The following UNC45A variants were observed in gnomAD, a reference collection of about 807,000 sequenced individuals.
UNC45A encodes the protein unc-45 myosin chaperone A.
Under a neutral mutation model 103.2 loss-of-function variants are expected in UNC45A, and 78 were observed. The observed-to-expected ratio is 0.76, with a 90% CI of 0.63 to 0.91. UNC45A has a LOEUF of 0.91. UNC45A is among the 40% of genes least tolerant of loss of function. The pLI, the probability that UNC45A is intolerant of heterozygous loss-of-function variation, is 0.00. For missense variants in UNC45A, 1,193 were observed against 1,224.8 expected (o/e 0.97, Z 0.39); for synonymous variants, 495 against 504.6 (o/e 0.98, Z 0.25).
rs2151378601 is a variant in UNC45A at position 90,953,943 on chromosome 15, G to A, written c.*227G>A. On this transcript the variant is annotated 3_prime_UTR_variant, in exon 20 of 20. Coordinates refer to ENST00000418476, the MANE Select transcript of UNC45A (RefSeq NM_018671.5). ...CCTCACTCAGAGGGGCCCTTTTTCT[G>A]TACTACTGTAGTCAGCTGGGAATGG... is the stretch of plus-strand genomic sequence containing the variant. The A allele has an allele frequency of 3.3e-6, 2 of 608,770 alleles. No homozygotes were observed. Among genetic ancestry groups the A allele is most frequent in the Admixed American group, 3.0e-5 (1 of 33,234 alleles). The allele number at this position is 608,770 out of a possible 1,614,324, so 37.7% of individuals were successfully genotyped here.
At chr15:90,931,391 G>C, upstream of UNC45A, 2 of 1,571,546 alleles carry the variant, frequency 1.3e-6, no homozygotes, top group South Asian at 2.3e-5. Flanking sequence ...TCCTGGACTC[G>C]ATGTTCTGAC....
At chr15:90,932,471 G>A (rs2035836974), upstream of UNC45A, 4 of 1,324,162 alleles carry the variant, frequency 3.0e-6, no homozygotes, top group East Asian at 2.9e-5. Context: ...GGGTCCTTCC[G>A]CCGCTGCTGC....
upstream of UNC45A, chr15:90,932,024 C>T (rs758569594): frequency 1.2e-6 from 2 of 1,613,888 alleles, no homozygotes; most frequent in African/African-American, 2.7e-5. Context: ...ATCCCCATCC[C>T]AGGCTCCTGG....
intron 5 of UNC45A, 58 bp from the exon 6 acceptor site, chr15:90,940,248 G>C: frequency 6.4e-7 from 1 of 1,556,506 alleles, no homozygotes; most frequent in East Asian, 2.3e-5. Flanking sequence ...CTGCTCACCA[G>C]TGCTGCATCC....
intron 17 of UNC45A, 34 bp from the exon 18 acceptor site, chr15:90,952,895 C>T: frequency 1.2e-5 from 19 of 1,587,930 alleles, no homozygotes; most frequent in African/African-American, 2.7e-5. Flanking sequence ...ACATCCAAAC[C>T]GTATCCCTGC....
intron 6 of UNC45A, 182 bp downstream of exon 6, chr15:90,940,655 G>A: frequency 1.6e-6 from 1 of 644,048 alleles, no homozygotes; most frequent in Non-Finnish European, 2.3e-6. Flanking sequence ...CCTCACACCT[G>A]TAATCCCAGC....
chr15:90,940,935 A>C (rs1345058341), intron 6 of UNC45A: 1 of 152,592 alleles, frequency 6.6e-6, no homozygotes, highest in Non-Finnish European at 1.5e-5. Flanking sequence ...ACAAAACAAC[A>C]AAAAAAGAAA....
chr15:90,948,013 G>C, intron 11 of UNC45A, 123 bp downstream of exon 11: 1 of 1,519,036 alleles, frequency 6.6e-7, no homozygotes, highest in Non-Finnish European at 9.0e-7. Flanking sequence ...CTGCAGTCTG[G>C]ATCCTGGTAC....
At position 90,948,681 on chromosome 15, in the gene UNC45A, G is replaced by A; in HGVS notation, c.1765G>A (p.Val589Met). 6.2e-7 allele frequency: 1 copy of A among 1,614,070 alleles called. No homozygotes were observed. The highest frequency in any genetic ancestry group is 8.5e-7 in the Non-Finnish European group (1 of 1,179,994). Reference protein sequence around the residue: ...RLEERSVLFAVASALVNCTNS... With the variant: ...RLEERSVLFAMASALVNCTNS... ...GGAGGAGAGGTCAGTGCTCTTTGCG[G>A]TGGCCTCAGCGCTGGTGAACTGCAC... is the stretch of plus-strand genomic sequence containing the variant. The change falls in exon 13 of 20, where the codon GTG becomes ATG. Residue 589 changes from valine to methionine, a missense_variant. Coordinates refer to ENST00000418476, the MANE Select transcript of UNC45A (RefSeq NM_018671.5).
chr15:90,932,467 T>C (rs774256897), upstream of UNC45A: 2 of 1,326,570 alleles, frequency 1.5e-6, no homozygotes, highest in East Asian at 2.9e-5. Context: ...CTCGGGGTCC[T>C]TCCGCCGCTG....
intron 17 of UNC45A, chr15:90,952,679 C>A: frequency 2.1e-6 from 1 of 468,622 alleles, no homozygotes. Flanking sequence ...CCTGCCTCGG[C>A]CTTCCAGAGT....
At chr15:90,943,728 G>A (rs145889031) in intron 8 of UNC45A, among the ~76,000 whole-genome samples, 1,797 of 151,282 alleles carry the variant, frequency 0.012, 119 homozygotes, top group Admixed American at 0.11. Flanking sequence ...TCACTCTGTC[G>A]CCCAGGCTGG....
Position 90,950,171 on chromosome 15 carries a change from C to T in UNC45A, c.2091C>T (p.Ala697=), listed in dbSNP as rs1212845805. The T allele has an allele frequency of 2.6e-6, 4 of 1,551,488 alleles. No individual in the cohort carries two copies. In the Admixed American group the frequency reaches 5.9e-5, roughly 23 times the overall value. ...TCCTACAGGCGCTGATCCCGCTGGC[C>T]CTGGAAGGCACGGACGTGGGGCAGA... The part of the protein sequence containing the change: ...QGGGRALIPL[A]LEGTDVGQTK... The change falls in exon 16 of 20, where the codon GCC becomes GCT. Residue 697 remains alanine, a synonymous_variant. Transcript: ENST00000418476.
intron 5 of UNC45A, 87 bp downstream of exon 5, chr15:90,939,910 C>T (rs2036204017): frequency 7.8e-7 from 1 of 1,275,650 alleles, no homozygotes; most frequent in Non-Finnish European, 1.1e-6. Context: ...CCTTGCTCTG[C>T]CGCTCCTCCA....
upstream of UNC45A, chr15:90,931,206 GATGGCGT>G (rs1216171929): frequency 2.6e-6 from 4 of 1,516,784 alleles, no homozygotes; most frequent in Non-Finnish European, 3.6e-6. Context: ...ACACAGAAAA[GATGGCGT>G]ATGAATCCTG....
chr15:90,953,287 C>T lies in UNC45A; in HGVS notation c.2554C>T (p.Leu852Phe), dbSNP rs377033536. ...LAMLTSMRPT[L>F]CSRIPQVTTH... ...CATGCTTACCTCCATGCGGCCCACG[C>T]TCTGCAGCCGCATTCCCCAAGTGGT... The change falls in exon 19 of 20, where the codon CTC becomes TTC. Residue 852 changes from leucine to phenylalanine, a missense_variant. By Grantham distance (22) the Leu-to-Phe change is conservative (BLOSUM62 0). Coordinates refer to ENST00000418476, the MANE Select transcript of UNC45A (RefSeq NM_018671.5). The T allele has an allele frequency of 3.5e-5, 56 of 1,610,960 alleles. No homozygotes were observed. The highest frequency in any genetic ancestry group is 4.7e-5 in the Non-Finnish European group (56 of 1,179,022).
chr15:90,950,665 A>T (rs1436605849), intron 17 of UNC45A, 50 bp downstream of exon 17: 1 of 1,569,702 alleles, frequency 6.4e-7, no homozygotes, highest in South Asian at 1.1e-5. Context: ...GGGATTCGGA[A>T]TATCCCCCAC....
intron 17 of UNC45A, among the ~76,000 whole-genome samples, chr15:90,951,556 A>G (rs778661646): frequency 5.9e-5 from 9 of 151,536 alleles, no homozygotes; most frequent in Non-Finnish European, 1.3e-4. Flanking sequence ...GGAGCCCAGA[A>G]GTTCAGGCCA....
chr15:90,953,384 A>G, intron 19 of UNC45A, 74 bp downstream of exon 19: 1 of 1,597,552 alleles, frequency 6.3e-7, no homozygotes. Flanking sequence ...GGGCAGTCCT[A>G]GGGTGTGTGG....
Sources: gnomAD v4.1 joint callset for allele counts (sites outside exome capture counted in the v4.1 genomes callset) on GRCh38, gnomAD v4.1.1 for gene constraint, MANE v1.5 for transcripts, NCBI Gene and HGNC (gene_info 2026-07-23, HGNC 2026-07-21) for gene names.